Variants in LRIG2 observed in about 807,000 individuals in gnomAD.
The protein encoded by LRIG2 is leucine-rich repeats and immunoglobulin-like domains protein 2.
In LRIG2, 93 loss-of-function variants were observed where a neutral mutation model predicts 107.8. The observed-to-expected ratio is 0.86, with a 90% CI of 0.73 to 1.03. LRIG2 has a LOEUF of 1.03. LRIG2 is among the 50% of genes least tolerant of loss of function. LRIG2 has a pLI of 0.00. For missense variants in LRIG2, 1,226 were observed against 1,296.0 expected (o/e 0.95, Z 0.83); for synonymous variants, 471 against 470.6 (o/e 1.00, Z -0.01).
intron 1 of LRIG2, among the ~76,000 whole-genome samples, chr1:113,088,453 TA>T (rs996143582): frequency 2.6e-5 from 4 of 152,208 alleles, no homozygotes; most frequent in African/African-American, 7.2e-5. Context: ...TTATTTTCTT[TA>T]AAAATGATTA....
chr1:113,114,396 A>ATTTT, intron 14 of LRIG2, 31 bp from the exon 15 acceptor site: 1 of 1,173,288 alleles, frequency 8.5e-7, no homozygotes, highest in Non-Finnish European at 1.2e-6. Context: ...CTAACTTTTC[A>ATTTT]TTTTTTTTTT....
intron 17 of LRIG2, 112 bp downstream of exon 17, chr1:113,119,635 A>G: frequency 1.1e-6 from 1 of 878,628 alleles, no homozygotes; most frequent in Non-Finnish European, 1.7e-6. Flanking sequence ...ATGGGTATAT[A>G]GGAGTAACTG....
At position 113,119,494 on chromosome 1, in the gene LRIG2, A is replaced by G; in HGVS notation, c.2942A>G (p.Lys981Arg). The change falls in exon 17 of 18, where the codon AAG (lysine) becomes AGG (arginine). Residue 981 changes from lysine (K) to arginine (R), a missense_variant. Coordinates refer to ENST00000361127, the MANE Select transcript of LRIG2 (RefSeq NM_014813.3). ...ACCAACCATGAGAGGATAAGTGAGA[A>G]GAAACTTCCCTCCACACAGATGAGC... ...FPTNHERISE[K>R]KLPSTQMSGE... The G allele has an allele frequency of 6.2e-7, 1 of 1,614,160 alleles. No individual in the cohort carries two copies. The highest frequency in any genetic ancestry group is 2.2e-5 in the East Asian group (1 of 44,878).
chr1:113,089,256 C>A (rs1281912227), intron 1 of LRIG2, among the ~76,000 whole-genome samples: 1 of 152,170 alleles, frequency 6.6e-6, no homozygotes, highest in Admixed American at 6.5e-5. Context: ...TACAGCACAT[C>A]TTTTAGGCAG....
intron 11 of LRIG2, among the ~76,000 whole-genome samples, chr1:113,105,749 A>T (rs763423911): frequency 4.6e-5 from 7 of 152,220 alleles, no homozygotes; most frequent in Non-Finnish European, 1.0e-4. Context: ...CCTGTCTCAA[A>T]ACACAGTTGC....
chr1:113,083,191 T>C lies in LRIG2; in HGVS notation c.240-8127T>C, dbSNP rs369352092. On this transcript the variant is annotated intron_variant, in intron 1 of 17. Coordinates refer to ENST00000361127, the MANE Select transcript of LRIG2 (RefSeq NM_014813.3). The stretch of plus-strand genomic sequence containing the variant: ...CTTCTAATTGCTGGCATTATAGATA[T>C]GAGGCACCATGCTTGGCTACTGCAC... Among the ~76,000 whole-genome samples the C allele has an allele frequency of 6.7e-5, 10 of 150,270 alleles. No homozygotes were observed. In the South Asian group the frequency reaches 8.4e-4, roughly 13 times the overall value.
chr1:113,120,302 T>C (rs1461195806), intron 17 of LRIG2, among the ~76,000 whole-genome samples: 2 of 151,318 alleles, frequency 1.3e-5, no homozygotes, highest in East Asian at 4.1e-4. Context: ...ATACAAAAAT[T>C]AGCCTAACAT....
intron 1 of LRIG2, among the ~76,000 whole-genome samples, chr1:113,075,955 C>T (rs974771090): frequency 6.6e-6 from 1 of 151,278 alleles, no homozygotes; most frequent in Non-Finnish European, 1.5e-5. Context: ...CCTCAGCCTC[C>T]CAAAGTGCTG....
At chr1:113,094,271 C>A in intron 4 of LRIG2, 68 bp from the exon 5 acceptor site, 1 of 1,213,336 alleles carries the variant, frequency 8.2e-7, no homozygotes, top group Non-Finnish European at 1.1e-6. Flanking sequence ...AGATTTTTGG[C>A]AGCTTTCTAG....
intron 1 of LRIG2, among the ~76,000 whole-genome samples, chr1:113,090,931 A>G (rs868045737): frequency 6.6e-6 from 1 of 151,134 alleles, no homozygotes. Flanking sequence ...GGCTCACTGC[A>G]ACCTCTGCCT....
chr1:113,084,018 A>AATG lies in LRIG2; in HGVS notation c.240-7298_240-7297insGAT, dbSNP rs1653416643. On this transcript the variant is annotated intron_variant, in intron 1 of 17. Coordinates refer to ENST00000361127, the MANE Select transcript of LRIG2 (RefSeq NM_014813.3). ...AAAGTATAATAATAATAATAATAAT[A>AATG]ATAATAATAATAATAATAATAATAT... Among the ~76,000 whole-genome samples the AATG allele has an allele frequency of 2.9e-5, 4 of 137,986 alleles. No homozygotes were observed. The Admixed American group carries it at 3.2e-4, about 11-fold the overall frequency. The allele number at this position is 137,986 out of a possible 152,430, so 90.5% of individuals were successfully genotyped here.
chr1:113,080,219 C>A (rs970912449), intron 1 of LRIG2, among the ~76,000 whole-genome samples: 3 of 151,552 alleles, frequency 2.0e-5, no homozygotes, highest in African/African-American at 7.3e-5. Context: ...CGGGGTTTCA[C>A]CATGTTGGCC....
chr1:113,113,459 A>T (rs1313715425), intron 14 of LRIG2, among the ~76,000 whole-genome samples: 3 of 148,228 alleles, frequency 2.0e-5, no homozygotes, highest in Non-Finnish European at 4.5e-5. Flanking sequence ...TATGTCAGTT[A>T]TTATTATTAT....
Position 113,114,586 on chromosome 1 carries a change from C to T in LRIG2, c.2240C>T (p.Ala747Val). 1 of 1,613,988 alleles carries T rather than the reference C, an allele frequency of 6.2e-7. No individual in the cohort carries two copies. Among genetic ancestry groups the T allele is most frequent in the East Asian group, 2.2e-5 (1 of 44,878 alleles). Residue 747 changes from alanine (A) to valine (V), a missense_variant, in exon 15 of 18, where the codon GCC becomes GTC. This residue lies in a region of LRIG2 where 642 missense variants were observed against 712.2 expected (regional missense o/e 0.90). Transcript: ENST00000361127. ...ACAGAACGACATTTCTTTGCTGCAG[C>T]CAATCAGCTTCTCATCATTGTAGAT... ...LVTERHFFAA[A>V]NQLLIIVDAG...
rs1655461177 is a variant in LRIG2 at position 113,125,686 on chromosome 1, T to C, written c.*1585T>C. On this transcript the variant is annotated 3_prime_UTR_variant, in exon 18 of 18. Transcript: ENST00000361127. ...GATATCAGAACCATCTCTTTCATTCTGTGACTTTGCTCTTGCCATGTTCTG... is the reference window on the plus strand; with the variant it reads ...GATATCAGAACCATCTCTTTCATTCCGTGACTTTGCTCTTGCCATGTTCTG... 6.6e-6 allele frequency: 1 copy of C among 152,262 alleles called. No individual in the cohort carries two copies. The highest frequency in any genetic ancestry group is 1.5e-5 in the Non-Finnish European group (1 of 68,060). The allele number at this position is 152,262 out of a possible 1,614,324, so 9.4% of individuals were successfully genotyped here.
intron 4 of LRIG2, among the ~76,000 whole-genome samples, 177 bp from the exon 5 acceptor site, chr1:113,094,162 T>A (rs569894038): frequency 6.6e-6 from 1 of 152,338 alleles, no homozygotes; most frequent in South Asian, 2.1e-4. Flanking sequence ...CTAAATGAAG[T>A]AGGTAGCTTC....
intron 1 of LRIG2, 30 bp downstream of exon 1, chr1:113,073,675 A>G (rs1365807274): frequency 1.9e-6 from 3 of 1,588,038 alleles, no homozygotes; most frequent in Non-Finnish European, 2.6e-6. Flanking sequence ...AGAGTGACCA[A>G]AAGGAGGGGG....
chr1:113,102,459 A>G (rs961444739), intron 11 of LRIG2, among the ~76,000 whole-genome samples: 4 of 151,776 alleles, frequency 2.6e-5, no homozygotes, highest in African/African-American at 9.7e-5. Context: ...TTTAGTTGAG[A>G]TGAGGTTTCA....
At chr1:113,093,098 T>G (rs1337596659) in intron 2 of LRIG2, 108 bp from the exon 3 acceptor site, 1 of 664,966 alleles carries the variant, frequency 1.5e-6, no homozygotes, top group Non-Finnish European at 2.6e-6. Flanking sequence ...TCATATTCTT[T>G]TTCAAATTTG....
Sources: allele counts gnomAD v4.1 joint callset (sites outside exome capture counted in the v4.1 genomes callset), GRCh38; gene constraint gnomAD v4.1.1; regional missense constraint gnomAD v4.1.1; transcripts MANE v1.5; gene names NCBI Gene and HGNC (gene_info 2026-07-23, HGNC 2026-07-21).